The following S100A9 variants were observed in gnomAD, a reference collection of about 807,000 sequenced individuals.
S100A9 encodes S100 calcium binding protein A9.
Under a neutral mutation model 4.3 loss-of-function variants are expected in S100A9, and 2 were observed. The ratio of observed to expected loss-of-function variants is 0.47; its 90% CI spans 0.19 to 1.48. The LOEUF (loss-of-function observed/expected upper bound fraction) is 1.48, where lower values mean the gene tolerates loss of function less well. Among genes scored for constraint, S100A9 ranks in the 40% most tolerant of loss-of-function variants. S100A9 has a pLI of 0.24. For synonymous variants in S100A9, 67 were observed against 54.0 expected (o/e 1.24, Z -1.06); for missense variants, 130 against 144.4 (o/e 0.90, Z 0.51).
Position 153,358,253 on chromosome 1 carries a change from GT to G in S100A9, c.-15-12del, listed in dbSNP as rs1216092174. On this transcript the variant is annotated splice_polypyrimidine_tract_variant and intron_variant, in intron 1 of 2. Transcript: ENST00000368738. ...TTTCTTCTAAGTGTCCCAACTCTTG[GT>G]TTTCCATTACACAGACAGAGTGCAA... 2.7e-6 allele frequency: 4 copies of G among 1,507,860 alleles called. No homozygotes were observed. In the South Asian group the frequency reaches 3.9e-5, roughly 15 times the overall value. 93.4% of individuals were successfully genotyped at this position (1,507,860 alleles called of 1,614,324 possible).
At chr1:153,358,862 T>A (rs926462636) in intron 2 of S100A9, among the ~76,000 whole-genome samples, 1 of 151,812 alleles carries the variant, frequency 6.6e-6, no homozygotes, top group African/African-American at 2.4e-5. Flanking sequence ...AGGGCCTCTT[T>A]GAGGAGGTAA....
rs998927455 is a variant in S100A9 at position 153,360,976 on chromosome 1, T to TGTGGGGCTA, written c.*138_*139insGTGGGGCTA. On this transcript the variant is annotated 3_prime_UTR_variant, in exon 3 of 3. Coordinates refer to ENST00000368738, the MANE Select transcript of S100A9 (RefSeq NM_002965.4). ...CCGGGGCCTGTTATGTCAAACTGTC[T>TGTGGGGCTA]TGGCTGTGGGGCTAGGGGCTGGGGC... 1.4e-5 allele frequency: 9 copies of TGTGGGGCTA among 653,048 alleles called. No individual in the cohort carries two copies. The African/African-American group carries it at 1.7e-4, about 12-fold the overall frequency. The allele number at this position is 653,048 out of a possible 1,614,324, so 40.5% of individuals were successfully genotyped here.
chr1:153,358,520 A>G, intron 2 of S100A9, 87 bp downstream of exon 2: 2 of 1,133,780 alleles, frequency 1.8e-6, no homozygotes, highest in Non-Finnish European at 2.4e-6. Flanking sequence ...ACAGCAATCA[A>G]GGGGAAGATT....
At position 153,360,820 on chromosome 1, in the gene S100A9, C is replaced by G; in HGVS notation, c.327C>G (p.Leu109=). 1.2e-6 allele frequency: 2 copies of G among 1,609,096 alleles called. No homozygotes were observed. Among genetic ancestry groups the G allele is most frequent in the Non-Finnish European group, 1.7e-6 (2 of 1,177,416 alleles). ...CTGGCCACCACCATAAGCCAGGCCTCGGGGAGGGCACCCCCTAAGACCACA... is the reference window on the plus strand; with the variant it reads ...CTGGCCACCACCATAAGCCAGGCCTGGGGGAGGGCACCCCCTAAGACCACA... ...EGPGHHHKPG[L]GEGTP Residue 109 remains leucine (L), a synonymous_variant, in exon 3 of 3, where the codon CTC becomes CTG. Coordinates refer to ENST00000368738, the MANE Select transcript of S100A9 (RefSeq NM_002965.4).
Position 153,360,745 on chromosome 1 carries a change from G to A in S100A9, c.252G>A (p.Ala84=), listed in dbSNP as rs1004439490. 6.8e-6 allele frequency: 11 copies of A among 1,614,152 alleles called. No individual in the cohort carries two copies. Among genetic ancestry groups the A allele is most frequent in the Middle Eastern group, 1.6e-4 (1 of 6,062 alleles). The change falls in exon 3 of 3, where the codon GCG becomes GCA. Residue 84 remains alanine, a synonymous_variant. Transcript: ENST00000368738. The part of the protein sequence containing the change: ...LSFEEFIMLM[A]RLTWASHEKM... ...TCGAGGAGTTCATCATGCTGATGGC[G>A]AGGCTAACCTGGGCCTCCCACGAGA...
chr1:153,360,770 A>G lies in S100A9; in HGVS notation c.277A>G (p.Lys93Glu). ...GAGGCTAACCTGGGCCTCCCACGAG[A>G]AGATGCACGAGGGTGACGAGGGCCC... ...MARLTWASHE[K>E]MHEGDEGPGH... is the part of the protein sequence containing the mutation. Residue 93 changes from lysine (K) to glutamate (E), a missense_variant, in exon 3 of 3, where the codon AAG becomes GAG. Physicochemically the swap from Lys to Glu is moderately conservative, Grantham distance 56. Coordinates refer to ENST00000368738, the MANE Select transcript of S100A9 (RefSeq NM_002965.4). The G allele has an allele frequency of 1.2e-6, 2 of 1,614,114 alleles. No homozygotes were observed. Among genetic ancestry groups the G allele is most frequent in the South Asian group, 1.1e-5 (1 of 91,060 alleles).
In S100A9 at chr1:153,360,910, A is replaced by C; in HGVS notation, c.*72A>C. ...ATGGTGGCCACGGCCACAGCCACTAATCAGGAGGCCAGGCCACCCTGCCTC... is the reference window on the plus strand; with the variant it reads ...ATGGTGGCCACGGCCACAGCCACTACTCAGGAGGCCAGGCCACCCTGCCTC... On this transcript the variant is annotated 3_prime_UTR_variant, in exon 3 of 3. Transcript: ENST00000368738. The C allele has an allele frequency of 2.4e-6, 3 of 1,253,918 alleles. No homozygotes were observed. The highest frequency in any genetic ancestry group is 1.1e-6 in the Non-Finnish European group (1 of 919,530). 77.7% of individuals were successfully genotyped at this position (1,253,918 alleles called of 1,614,324 possible). A position where few individuals can be genotyped will look rare whatever the true frequency, so the allele number is the denominator to read the frequency against.
At chr1:153,358,190 A>T in intron 1 of S100A9, 79 bp from the exon 2 acceptor site, 1 of 938,348 alleles carries the variant, frequency 1.1e-6, no homozygotes, top group Non-Finnish European at 1.6e-6. Flanking sequence ...TATTTCTGTG[A>T]GTGCTTAGTA....
intron 2 of S100A9, among the ~76,000 whole-genome samples, chr1:153,359,378 G>A (rs1008136770): frequency 1.3e-5 from 2 of 152,102 alleles, no homozygotes. Flanking sequence ...TGCTGGGTGG[G>A]GTAGGCAAGA....
In S100A9 at chr1:153,361,015, T is replaced by C; in HGVS notation, c.*177T>C. 2 of 585,306 alleles carry C rather than the reference T, an allele frequency of 3.4e-6. No homozygotes were observed. The highest frequency in any genetic ancestry group is 6.1e-6 in the Non-Finnish European group (2 of 329,458). The allele number at this position is 585,306 out of a possible 1,614,324, so 36.3% of individuals were successfully genotyped here. On this transcript the variant is annotated 3_prime_UTR_variant, in exon 3 of 3. Transcript: ENST00000368738. ...AGGGGCTGGGGCCAAATAAAGTCTC[T>C]TCCTCCAAGTCAGTGCTCTGTGTGC...
At chr1:153,359,458 C>A (rs913376836) in intron 2 of S100A9, among the ~76,000 whole-genome samples, 9 of 152,114 alleles carry the variant, frequency 5.9e-5, no homozygotes, top group African/African-American at 2.2e-4. Flanking sequence ...CTTCACCCCC[C>A]ACCTGACATC....
rs565507587 is a variant in S100A9 at position 153,360,506 on chromosome 1, C to T, written c.151-138C>T. The T allele has an allele frequency of 4.4e-5, 27 of 618,372 alleles. No individual in the cohort carries two copies. In the East Asian group the frequency reaches 5.8e-4, roughly 13 times the overall value. The allele number at this position is 618,372 out of a possible 1,614,324, so 38.3% of individuals were successfully genotyped here. ...GTCTGCTCCATTGTGCGCACTCAGC[C>T]TATGGTCATTTTTAATTTTTAAATC... On this transcript the variant is annotated intron_variant, in intron 2 of 2. Transcript: ENST00000368738.
chr1:153,360,805 C>A lies in S100A9; in HGVS notation c.312C>A (p.His104Gln). Residue 104 changes from histidine to glutamine, a missense_variant, in exon 3 of 3, where the codon CAC (histidine) becomes CAA (glutamine). Coordinates refer to ENST00000368738, the MANE Select transcript of S100A9 (RefSeq NM_002965.4). ...MHEGDEGPGH[H>Q]HKPGLGEGTP ...AGGGTGACGAGGGCCCTGGCCACCA[C>A]CATAAGCCAGGCCTCGGGGAGGGCA... The A allele has an allele frequency of 6.2e-7, 1 of 1,613,050 alleles. No individual in the cohort carries two copies. The highest frequency in any genetic ancestry group is 1.1e-5 in the South Asian group (1 of 90,936).
intron 2 of S100A9, among the ~76,000 whole-genome samples, chr1:153,359,516 T>C (rs781648292): frequency 4.2e-4 from 64 of 151,790 alleles, no homozygotes; most frequent in Non-Finnish European, 7.5e-4. Flanking sequence ...CAGAGCCTCA[T>C]GGATGGGCTG....
chr1:153,359,680 C>CTTT (rs34039196), intron 2 of S100A9, among the ~76,000 whole-genome samples: 76 of 83,892 alleles, frequency 9.1e-4, no homozygotes, highest in Non-Finnish European at 1.2e-3. Context: ...GATGTCTCTC[C>CTTT]TTTTTTTTTT....
Position 153,361,006 on chromosome 1 carries a change from T to A in S100A9, c.*168T>A. 1 of 589,964 alleles carries A rather than the reference T, an allele frequency of 1.7e-6. No homozygotes were observed. The highest frequency in any genetic ancestry group is 2.9e-5 in the East Asian group (1 of 34,358). 36.5% of individuals were successfully genotyped at this position (589,964 alleles called of 1,614,324 possible). A position where few individuals can be genotyped will look rare whatever the true frequency, so the allele number is the denominator to read the frequency against. On this transcript the variant is annotated 3_prime_UTR_variant, in exon 3 of 3. Coordinates refer to ENST00000368738, the MANE Select transcript of S100A9 (RefSeq NM_002965.4). ...TGTGGGGCTAGGGGCTGGGGCCAAA[T>A]AAAGTCTCTTCCTCCAAGTCAGTGC...
intron 2 of S100A9, among the ~76,000 whole-genome samples, chr1:153,359,534 G>C (rs2101593191): frequency 6.6e-6 from 1 of 152,232 alleles, no homozygotes; most frequent in South Asian, 2.1e-4. Context: ...CTGCACAGGA[G>C]AGTGCTCGCA....
Position 153,360,713 on chromosome 1 carries a change from C to T in S100A9, c.220C>T (p.Leu74=). Residue 74 remains leucine, a synonymous_variant, in exon 3 of 3, where the codon CTG becomes TTG. Transcript: ENST00000368738. ...EDLDTNADKQ[L]SFEEFIMLMA... ...CCTGGACACAAATGCAGACAAGCAGCTGAGCTTCGAGGAGTTCATCATGCT... is the reference window on the plus strand; with the variant it reads ...CCTGGACACAAATGCAGACAAGCAGTTGAGCTTCGAGGAGTTCATCATGCT... 6.2e-7 allele frequency: 1 copy of T among 1,614,026 alleles called. No individual in the cohort carries two copies. The highest frequency in any genetic ancestry group is 8.5e-7 in the Non-Finnish European group (1 of 1,179,870).
At position 153,360,897 on chromosome 1, in the gene S100A9, G is replaced by A; in HGVS notation, c.*59G>A. 1 of 1,338,758 alleles carries A rather than the reference G, an allele frequency of 7.5e-7. No homozygotes were observed. The highest frequency in any genetic ancestry group is 2.6e-5 in the Admixed American group (1 of 37,980). The allele number at this position is 1,338,758 out of a possible 1,614,324, so 82.9% of individuals were successfully genotyped here. Reference sequence around the variant, plus strand: ...CACGGCCACAGTCATGGTGGCCACGGCCACAGCCACTAATCAGGAGGCCAG... The same window carrying A: ...CACGGCCACAGTCATGGTGGCCACGACCACAGCCACTAATCAGGAGGCCAG... On this transcript the variant is annotated 3_prime_UTR_variant, in exon 3 of 3. Coordinates refer to ENST00000368738, the MANE Select transcript of S100A9 (RefSeq NM_002965.4).
Sources: allele counts gnomAD v4.1 joint callset (sites outside exome capture counted in the v4.1 genomes callset), GRCh38; gene constraint gnomAD v4.1.1; transcripts MANE v1.5; gene names NCBI Gene and HGNC (gene_info 2026-07-23, HGNC 2026-07-21).